Variants in WDR36 observed in about 807,000 individuals in gnomAD.
WDR36 encodes the protein WD repeat domain 36, also known as WD repeat-containing protein 36.
In WDR36, 63 loss-of-function variants were observed where a neutral mutation model predicts 112.7. That is an observed-to-expected ratio of 0.56 (90% CI 0.46 to 0.69). The LOEUF is 0.69. Ranked by LOEUF, WDR36 falls within the 30% of genes least tolerant of loss-of-function variation. The probability of loss-of-function intolerance (pLI) is 0.00; values close to 1 mark genes in which losing one functional copy is unlikely to be tolerated. For synonymous variants in WDR36, 410 were observed against 362.2 expected, an observed-to-expected ratio of 1.13 and a Z score of -1.50; for missense variants, 1,226 against 1,070.3, an observed-to-expected ratio of 1.15 and a Z score of -2.03.
chr5:111,124,301 A>G (rs1336945495), intron 21 of WDR36, 112 bp downstream of exon 21: 8 of 933,784 alleles, frequency 8.6e-6, no homozygotes, highest in Non-Finnish European at 1.1e-5. Context: ...GTAAAAATCA[A>G]AAAGATTGAA....
At chr5:111,111,142 A>G in intron 14 of WDR36, 28 bp from the exon 15 acceptor site, 2 of 1,604,886 alleles carry the variant, frequency 1.2e-6, no homozygotes, top group Non-Finnish European at 1.7e-6. Context: ...TTTTTTGTTT[A>G]TTAAAACTGG....
chr5:111,119,260 CTG>C (rs920081807), intron 17 of WDR36, 140 bp downstream of exon 17: 4 of 736,838 alleles, frequency 5.4e-6, no homozygotes, highest in African/African-American at 5.2e-5. Context: ...ACTTAATTCA[CTG>C]TAAGTCTGAG....
At position 111,114,904 on chromosome 5, in the gene WDR36, T is replaced by C. The variant is rs555817154; in HGVS notation, c.1796+1751T>C. On this transcript the variant is annotated intron_variant, in intron 16 of 22. Transcript: ENST00000513710. ...AGAGAGATAGATTATTCAGTAGTAG[T>C]AAATTGGCAATGTATTATAAGTGGT... Among the ~76,000 whole-genome samples, 4 of 152,324 alleles carry C rather than the reference T, an allele frequency of 2.6e-5. 1 individual carries two copies. The South Asian group carries it at 8.3e-4, about 32-fold the overall frequency.
chr5:111,097,294 T>A (rs1753013870), intron 3 of WDR36, 115 bp downstream of exon 3: 1 of 770,578 alleles, frequency 1.3e-6, no homozygotes, highest in South Asian at 1.5e-5. Flanking sequence ...ACAGTATTCT[T>A]TTTTTTCTAA....
At chr5:111,126,340 TG>T (rs1258586452) in intron 22 of WDR36, among the ~76,000 whole-genome samples, 2 of 152,100 alleles carry the variant, frequency 1.3e-5, no homozygotes, top group Admixed American at 1.3e-4. Context: ...AATATAGTGG[TG>T]AACTCATGTT....
At chr5:111,113,673 A>G (rs1753394592) in intron 16 of WDR36, among the ~76,000 whole-genome samples, 1 of 152,062 alleles carries the variant, frequency 6.6e-6, no homozygotes, top group Non-Finnish European at 1.5e-5. Flanking sequence ...AAAGGAGTTT[A>G]TTTCTTACAC....
chr5:111,115,945 C>T (rs1252156270), intron 16 of WDR36, among the ~76,000 whole-genome samples: 1 of 151,776 alleles, frequency 6.6e-6, no homozygotes, highest in Non-Finnish European at 1.5e-5. Context: ...TGAATTCTTT[C>T]TTATTTTTTT....
rs1753695404 is a variant in WDR36, at chr5:111,127,345, A to G, written c.*462A>G. The G allele has an allele frequency of 9.9e-6, 2 of 202,978 alleles. No homozygotes were observed. Among genetic ancestry groups the G allele is most frequent in the East Asian group, 7.6e-5 (1 of 13,136 alleles). 12.6% of individuals were successfully genotyped at this position (202,978 alleles called of 1,614,324 possible). On this transcript the variant is annotated 3_prime_UTR_variant, in exon 23 of 23. Coordinates refer to ENST00000513710, the MANE Select transcript of WDR36 (RefSeq NM_139281.3). ...TCTGTTTCATATAAAGAGATGCTGC[A>G]TGTTCACTGTGAAGTATTGCTGAAT...
rs188323981 is a variant in WDR36, at chr5:111,128,223, G to A, written c.*1340G>A. On this transcript the variant is annotated 3_prime_UTR_variant, in exon 23 of 23. Transcript: ENST00000513710. The stretch of plus-strand genomic sequence containing the variant: ...GAATATGAACACCAGTAGCATTCTC[G>A]TTCGTTGTTAGGGTAAGAGAGTTTT... The A allele has an allele frequency of 3.0e-3, 572 of 189,474 alleles. 6 individuals carry two copies. Among genetic ancestry groups the A allele is most frequent in the African/African-American group, 0.012 (531 of 42,946 alleles). The allele number at this position is 189,474 out of a possible 1,614,324, so 11.7% of individuals were successfully genotyped here.
At chr5:111,092,939 C>T (rs1339665817) in intron 1 of WDR36, among the ~76,000 whole-genome samples, 1 of 152,248 alleles carries the variant, frequency 6.6e-6, no homozygotes, top group Non-Finnish European at 1.5e-5. Flanking sequence ...CAAACCTCTA[C>T]CTCTTGCATT....
In WDR36 at chr5:111,127,525, A is replaced by G. The variant is rs139138539; in HGVS notation, c.*642A>G. On this transcript the variant is annotated 3_prime_UTR_variant, in exon 23 of 23. Transcript: ENST00000513710. ...GGATAAACTAATCATCTTCTAGCAC[A>G]GCCCTGTTGTGTTGCAGGAGAGGAA... The G allele has an allele frequency of 9.5e-6, 2 of 209,788 alleles. No individual in the cohort carries two copies. The highest frequency in any genetic ancestry group is 1.4e-4 in the East Asian group (2 of 14,046). 13.0% of individuals were successfully genotyped at this position (209,788 alleles called of 1,614,324 possible). A position where few individuals can be genotyped will look rare whatever the true frequency, so the allele number is the denominator to read the frequency against.
chr5:111,110,705 A>C, intron 13 of WDR36, 83 bp from the exon 14 acceptor site: 3 of 1,441,218 alleles, frequency 2.1e-6, no homozygotes, highest in Non-Finnish European at 2.9e-6. Flanking sequence ...TACATATTTG[A>C]ATGAAGGAAT....
chr5:111,103,717 T>A lies in WDR36; in HGVS notation c.598-69T>A, dbSNP rs114679330. The A allele has an allele frequency of 3.5e-4, 552 of 1,576,914 alleles. 2 individuals carry two copies. In the African/African-American group the frequency reaches 6.2e-3, roughly 18 times the overall value. ...TTCTTTTGATAACACCTAATAATGA[T>A]GCGTATCATCAGGATTATTAAAGCT... On this transcript the variant is annotated intron_variant, in intron 6 of 22. Coordinates refer to ENST00000513710, the MANE Select transcript of WDR36 (RefSeq NM_139281.3).
intron 12 of WDR36, among the ~76,000 whole-genome samples, chr5:111,107,804 A>G (rs1269306837): frequency 6.6e-6 from 1 of 151,144 alleles, no homozygotes; most frequent in Non-Finnish European, 1.5e-5. Flanking sequence ...TGTATGTAAG[A>G]GTTTATTTCT....
chr5:111,092,405 T>C lies in WDR36; in HGVS notation c.-52T>C. ...CACTAGACACGCTGAAGGGACTGGG[T>C]ACGTGTTTTCCTTCAGGACCAGAGC... On this transcript the variant is annotated 5_prime_UTR_variant, in exon 1 of 23. Coordinates refer to ENST00000513710, the MANE Select transcript of WDR36 (RefSeq NM_139281.3). The C allele has an allele frequency of 6.2e-7, 1 of 1,614,176 alleles. No homozygotes were observed. Among genetic ancestry groups the C allele is most frequent in the Non-Finnish European group, 8.5e-7 (1 of 1,180,032 alleles).
intron 4 of WDR36, among the ~76,000 whole-genome samples, chr5:111,099,177 C>G (rs942652531): frequency 6.6e-6 from 1 of 151,910 alleles, no homozygotes; most frequent in Non-Finnish European, 1.5e-5. Context: ...GTATTTTCAC[C>G]TTTTAGTAAA....
intron 6 of WDR36, among the ~76,000 whole-genome samples, chr5:111,103,204 T>G (rs1424871988): frequency 1.3e-5 from 2 of 151,770 alleles, no homozygotes; most frequent in Non-Finnish European, 3.0e-5. Flanking sequence ...GACATTGATC[T>G]TTGCTAAAAT....
At chr5:111,119,749 A>G (rs1753527760) in intron 17 of WDR36, among the ~76,000 whole-genome samples, 1 of 152,124 alleles carries the variant, frequency 6.6e-6, no homozygotes, top group Non-Finnish European at 1.5e-5. Flanking sequence ...TTATAATTAC[A>G]TTTGAAGATA....
chr5:111,102,332 T>A lies in WDR36; in HGVS notation c.543-13T>A. 6.2e-7 allele frequency: 1 copy of A among 1,604,154 alleles called. No individual in the cohort carries two copies. The highest frequency in any genetic ancestry group is 8.5e-7 in the Non-Finnish European group (1 of 1,175,554). On this transcript the variant is annotated splice_polypyrimidine_tract_variant and intron_variant, in intron 5 of 22. Transcript: ENST00000513710. ...AAAAAAAATACAGCTTTCAACTATT[T>A]TTCTTCTTGTAGTAAACTTCTATAT...
Sources: gnomAD v4.1 joint callset for allele counts (sites outside exome capture counted in the v4.1 genomes callset) on GRCh38, gnomAD v4.1.1 for gene constraint, MANE v1.5 for transcripts, NCBI Gene and HGNC (gene_info 2026-07-23, HGNC 2026-07-21) for gene names.